Variants in RANBP2 observed in about 807,000 individuals in gnomAD.
The protein encoded by RANBP2 is E3 SUMO-protein ligase RanBP2.
In RANBP2, 57 loss-of-function variants were observed where a neutral mutation model predicts 303.6. That is an observed-to-expected ratio of 0.19 (90% CI 0.15 to 0.23). RANBP2 has a LOEUF of 0.23. Ranked by LOEUF, RANBP2 falls within the 10% of genes least tolerant of loss-of-function variation. The pLI is 1.00. For synonymous variants in RANBP2, 1,167 were observed against 1,301.5 expected (o/e 0.90, Z 2.23); for missense variants, 3,138 against 3,780.8 (o/e 0.83, Z 4.46).
chr2:108,982,447 G>A, the RANBP2 span, among the ~76,000 whole-genome samples: 116 of 152,378 alleles, frequency 7.6e-4, no homozygotes, highest in Non-Finnish European at 1.4e-3. Context: ...GGACATTGGC[G>A]TTTGCCAGTG....
chr2:109,320,941 A>G, the RANBP2 span, among the ~76,000 whole-genome samples: 1 of 152,222 alleles, frequency 6.6e-6, no homozygotes, highest in Non-Finnish European at 1.5e-5. Flanking sequence ...AGTGATGGTA[A>G]TATTGCCATC....
the RANBP2 span, among the ~76,000 whole-genome samples, chr2:109,620,741 C>G: frequency 6.6e-6 from 1 of 152,270 alleles, no homozygotes; most frequent in East Asian, 1.9e-4. Flanking sequence ...TACAAGCTGA[C>G]TCAAGTCCAA....
the RANBP2 span, among the ~76,000 whole-genome samples, chr2:109,139,365 G>A: frequency 3.0e-4 from 46 of 152,004 alleles, 1 homozygote; most frequent in South Asian, 1.2e-3. Flanking sequence ...GTCACTAGCA[G>A]TCATTGTCTG....
At chr2:109,139,002 C>T in the RANBP2 span, among the ~76,000 whole-genome samples, 7 of 152,210 alleles carry the variant, frequency 4.6e-5, no homozygotes, top group Non-Finnish European at 1.0e-4. Flanking sequence ...CAAGGGGCCA[C>T]AGCCTGATGA....
the RANBP2 span, among the ~76,000 whole-genome samples, chr2:109,003,034 C>T: frequency 3.3e-5 from 5 of 151,684 alleles, no homozygotes; most frequent in African/African-American, 4.8e-5. Flanking sequence ...GGTGAAACCC[C>T]GTCTCTACGA....
the RANBP2 span, among the ~76,000 whole-genome samples, chr2:109,358,402 T>C: frequency 6.6e-6 from 1 of 152,230 alleles, no homozygotes; most frequent in Non-Finnish European, 1.5e-5. Context: ...TCAGCTCCTT[T>C]GGATAAATAC....
At chr2:108,833,873 G>A in the RANBP2 span, among the ~76,000 whole-genome samples, 3 of 144,292 alleles carry the variant, frequency 2.1e-5, no homozygotes, top group Non-Finnish European at 3.0e-5. Flanking sequence ...GACTACAGGC[G>A]CCCGCTACCA....
the RANBP2 span, among the ~76,000 whole-genome samples, chr2:109,011,383 G>C: frequency 6.6e-6 from 1 of 152,152 alleles, no homozygotes; most frequent in East Asian, 1.9e-4. Flanking sequence ...AAGATTTCTA[G>C]CCTTCAGTGT....
chr2:109,004,686 C>CTA, the RANBP2 span, among the ~76,000 whole-genome samples: 2 of 152,190 alleles, frequency 1.3e-5, no homozygotes, highest in Non-Finnish European at 2.9e-5. Flanking sequence ...ACTCTTGGTT[C>CTA]TAGCTCTTAC....
the RANBP2 span, among the ~76,000 whole-genome samples, chr2:109,695,591 C>T: frequency 3.9e-4 from 60 of 152,238 alleles, no homozygotes; most frequent in African/African-American, 1.3e-3. Flanking sequence ...GTGGGAAAAT[C>T]GGGGTATCAC....
At chr2:108,910,666 T>C in the RANBP2 span, 3 of 1,437,842 alleles carry the variant, frequency 2.1e-6, no homozygotes, top group Non-Finnish European at 2.9e-6. Context: ...GTAAGCACAG[T>C]ATGGTTCAGC....
the RANBP2 span, among the ~76,000 whole-genome samples, chr2:108,868,268 G>T: frequency 9.9e-4 from 151 of 152,294 alleles, 1 homozygote; most frequent in African/African-American, 3.4e-3. Flanking sequence ...TAGTATTGGT[G>T]CAGGGAGTCC....
At chr2:108,932,642 G>T in the RANBP2 span, among the ~76,000 whole-genome samples, 1 of 152,008 alleles carries the variant, frequency 6.6e-6, no homozygotes. Flanking sequence ...AAGACCAAGG[G>T]CCCTGTCAGT....
At chr2:109,618,761 G>C in the RANBP2 span, 3 of 167,026 alleles carry the variant, frequency 1.8e-5, no homozygotes, top group Non-Finnish European at 4.4e-5. Context: ...GTATGTCCAT[G>C]TGTTTCTTAT....
chr2:109,205,822 T>G, the RANBP2 span, among the ~76,000 whole-genome samples: 3 of 152,216 alleles, frequency 2.0e-5, no homozygotes, highest in Non-Finnish European at 4.4e-5. Context: ...GCACACTGTG[T>G]GTGTAAAATA....
the RANBP2 span, chr2:109,614,295 G>C: frequency 1.6e-6 from 1 of 617,250 alleles, no homozygotes; most frequent in African/African-American, 1.9e-5. Context: ...GTGGGCGCGG[G>C]GCGGGGGTGC....
chr2:108,856,679 AT>A, the RANBP2 span: 2 of 944,480 alleles, frequency 2.1e-6, no homozygotes, highest in Admixed American at 2.5e-5. Context: ...CTCTTATTTA[AT>A]TTTTGTTTGT....
At chr2:108,731,688 G>A in intron 4 of RANBP2, 3 of 934,322 alleles carry the variant, frequency 3.2e-6, no homozygotes, top group Non-Finnish European at 4.5e-6. Context: ...TACCTTTCTG[G>A]AATAATTAAT....
chr2:109,717,274 A>AC, the RANBP2 span, among the ~76,000 whole-genome samples: 12 of 118,730 alleles, frequency 1.0e-4, no homozygotes, highest in Non-Finnish European at 1.9e-4. Context: ...AAACAAACCA[A>AC]AAAAAAAAAA....
Sources: allele counts gnomAD v4.1 joint callset (sites outside exome capture counted in the v4.1 genomes callset), GRCh38; gene constraint gnomAD v4.1.1; transcripts MANE v1.5; gene names NCBI Gene and HGNC (gene_info 2026-07-23, HGNC 2026-07-21).